The following PRKG1 variants were observed in gnomAD, a reference collection of about 807,000 sequenced individuals.
PRKG1 encodes the protein cGMP-dependent protein kinase 1.
In PRKG1, 35 loss-of-function variants were observed where a neutral mutation model predicts 88.1. That is an observed-to-expected ratio of 0.40 (90% CI 0.30 to 0.53). The LOEUF (loss-of-function observed/expected upper bound fraction) is 0.53. Ranked by LOEUF, PRKG1 falls within the 20% of genes least tolerant of loss-of-function variation. The probability of loss-of-function intolerance (pLI) is 0.59; values close to 1 mark genes in which losing one functional copy is unlikely to be tolerated. For missense variants in PRKG1, 540 were observed against 839.8 expected, an observed-to-expected ratio of 0.64 and a Z score of 4.41; for synonymous variants, 303 against 292.5, an observed-to-expected ratio of 1.04 and a Z score of -0.37.
intron 5 of PRKG1, among the ~76,000 whole-genome samples, chr10:51,929,346 C>CTTTT (rs67175480): frequency 3.0e-4 from 33 of 109,662 alleles, no homozygotes; most frequent in Admixed American, 6.2e-4. Context: ...GAATTCCTTC[C>CTTTT]TTTTTTTTTT....
At chr10:51,115,893 G>T (rs1390698463) in intron 1 of PRKG1, among the ~76,000 whole-genome samples, 1 of 150,898 alleles carries the variant, frequency 6.6e-6, no homozygotes, top group Non-Finnish European at 1.5e-5. Context: ...TTTAAGAATT[G>T]TCATAGTGCA....
intron 3 of PRKG1, among the ~76,000 whole-genome samples, chr10:51,679,704 CTT>C (rs200695914): frequency 3.8e-4 from 42 of 109,556 alleles, no homozygotes; most frequent in East Asian, 1.8e-3. Flanking sequence ...GGGCAGGGAA[CTT>C]TTTTTTTTTT....
intron 3 of PRKG1, among the ~76,000 whole-genome samples, chr10:51,692,914 AT>A (rs749053762): frequency 6.6e-6 from 1 of 151,964 alleles, no homozygotes; most frequent in Non-Finnish European, 1.5e-5. Context: ...CGTACTTTTT[AT>A]TTTTTTATTT....
chr10:51,608,472 A>T (rs1838822680), intron 3 of PRKG1, among the ~76,000 whole-genome samples: 2 of 152,168 alleles, frequency 1.3e-5, no homozygotes, highest in African/African-American at 4.8e-5. Flanking sequence ...AGAGTCTTTA[A>T]ACTGGTTGAT....
At chr10:51,356,271 TTTTTTAATGGAACCAG>T (rs1564459690) in intron 2 of PRKG1, among the ~76,000 whole-genome samples, 1 of 152,020 alleles carries the variant, frequency 6.6e-6, no homozygotes, top group Non-Finnish European at 1.5e-5. Context: ...TTTTTTCTTC[TTTTTTAATGGAACCAG>T]TTTGTAATGT....
At position 51,775,746 on chromosome 10, in the gene PRKG1, G is replaced by A. The variant is rs572697095; in HGVS notation, c.593-28839G>A. On this transcript the variant is annotated intron_variant, in intron 3 of 17. Transcript: ENST00000373980. ...TTTACAAGCACCCACCACCACGGCC[G>A]GCTAATGTTTGAATTTAATAGAGAC... Among the ~76,000 whole-genome samples, 133 of 151,904 alleles carry A rather than the reference G, an allele frequency of 8.8e-4. 5 individuals carry two copies. In the South Asian group the frequency reaches 0.026, roughly 30 times the overall value.
chr10:50,998,729 C>A (rs1475531132), intron 1 of PRKG1, among the ~76,000 whole-genome samples: 1 of 149,010 alleles, frequency 6.7e-6, no homozygotes, highest in African/African-American at 2.5e-5. Context: ...GCCTAGGCGA[C>A]AAAATGACAG....
chr10:51,118,174 G>A (rs1451325131), intron 1 of PRKG1, among the ~76,000 whole-genome samples: 1 of 152,104 alleles, frequency 6.6e-6, no homozygotes, highest in African/African-American at 2.4e-5. Context: ...GCAATCTTTA[G>A]GTCAGTGTTT....
chr10:51,060,385 C>T (rs554740044), intron 1 of PRKG1, among the ~76,000 whole-genome samples: 4 of 151,628 alleles, frequency 2.6e-5, no homozygotes, highest in Admixed American at 2.6e-4. Context: ...TTTTTCTTTC[C>T]TTTTTTGCCT....
intron 3 of PRKG1, among the ~76,000 whole-genome samples, chr10:51,530,342 C>CAAT (rs368788301): frequency 2.0e-5 from 3 of 152,156 alleles, no homozygotes; most frequent in African/African-American, 7.2e-5. Flanking sequence ...GAAGAAATAT[C>CAAT]ACTTCAGCTT....
chr10:52,150,071 C>T (rs1210394980), intron 8 of PRKG1, among the ~76,000 whole-genome samples: 1 of 151,314 alleles, frequency 6.6e-6, no homozygotes, highest in African/African-American at 2.4e-5. Context: ...TTGCTTAAAC[C>T]CAGGAGGTGG....
At chr10:51,775,320 T>C (rs1225848318) in intron 3 of PRKG1, among the ~76,000 whole-genome samples, 1 of 152,150 alleles carries the variant, frequency 6.6e-6, no homozygotes, top group South Asian at 2.1e-4. Flanking sequence ...GATTGCTTTA[T>C]TTTTTAAGAA....
intron 9 of PRKG1, among the ~76,000 whole-genome samples, chr10:52,165,993 A>C (rs1259845347): frequency 6.6e-6 from 1 of 152,218 alleles, no homozygotes; most frequent in African/African-American, 2.4e-5. Context: ...TTTTCTACAA[A>C]GATAATTGTT....
chr10:51,659,207 TA>T (rs2132327310), intron 3 of PRKG1, among the ~76,000 whole-genome samples: 1 of 152,264 alleles, frequency 6.6e-6, no homozygotes, highest in African/African-American at 2.4e-5. Context: ...AAGATTGGGT[TA>T]GGGGTCCAGT....
chr10:51,025,050 G>C (rs1021359156), intron 1 of PRKG1, among the ~76,000 whole-genome samples: 17 of 152,146 alleles, frequency 1.1e-4, no homozygotes, highest in Admixed American at 1.0e-3. Context: ...GCTGGACTGG[G>C]TGCAGGCTAA....
intron 3 of PRKG1, among the ~76,000 whole-genome samples, chr10:51,689,267 T>TCTATCTAG (rs1481819704): frequency 1.3e-5 from 2 of 151,754 alleles, no homozygotes; most frequent in African/African-American, 4.8e-5. Context: ...TATCTATCTA[T>TCTATCTAG]CTATATTTCA....
chr10:51,168,524 C>G (rs1846610747), intron 2 of PRKG1, among the ~76,000 whole-genome samples: 3 of 151,870 alleles, frequency 2.0e-5, no homozygotes, highest in Admixed American at 2.0e-4. Context: ...TAGAAGTAAC[C>G]CACGTAATCA....
chr10:51,192,460 A>T (rs1391978200), intron 2 of PRKG1, among the ~76,000 whole-genome samples: 2 of 151,984 alleles, frequency 1.3e-5, no homozygotes, highest in Non-Finnish European at 2.9e-5. Flanking sequence ...AAGAAATCTC[A>T]ACAGAAAAAA....
chr10:51,493,882 T>A (rs1324290162), intron 3 of PRKG1, among the ~76,000 whole-genome samples: 1 of 152,132 alleles, frequency 6.6e-6, no homozygotes, highest in Non-Finnish European at 1.5e-5. Flanking sequence ...TCCAAGAGTT[T>A]GAAATAAACC....
Sources: gnomAD v4.1 joint callset for allele counts (sites outside exome capture counted in the v4.1 genomes callset) on GRCh38, gnomAD v4.1.1 for gene constraint, MANE v1.5 for transcripts, NCBI Gene and HGNC (gene_info 2026-07-23, HGNC 2026-07-21) for gene names.